STK32B: variants seen among roughly 807,000 people sequenced by gnomAD.
STK32B encodes serine/threonine kinase 32B, also known as serine/threonine-protein kinase 32B.
In STK32B, 43 loss-of-function variants were observed where a neutral mutation model predicts 52.6. That is an observed-to-expected ratio of 0.82 (90% CI 0.64 to 1.05). The LOEUF (loss-of-function observed/expected upper bound fraction) is 1.05, where lower values mean the gene tolerates loss of function less well. Ranked by LOEUF, STK32B falls within the 50% of genes least tolerant of loss-of-function variation. The pLI is 0.00. For missense variants in STK32B, 621 were observed against 534.6 expected (o/e 1.16, Z -1.59); for synonymous variants, 238 against 204.3 (o/e 1.17, Z -1.41).
intron 1 of STK32B, among the ~76,000 whole-genome samples, chr4:5,136,241 G>A (rs186122134): frequency 6.6e-6 from 1 of 152,344 alleles, no homozygotes; most frequent in East Asian, 1.9e-4. Flanking sequence ...CCAATGTGTT[G>A]TTCCATTGTC....
In STK32B at chr4:5,316,882, T is replaced by TCA. The variant is rs1730912564; in HGVS notation, c.261-14338_261-14337insCA. Among the ~76,000 whole-genome samples the TCA allele has an allele frequency of 1.8e-3, 9 of 4,964 alleles. No homozygotes were observed. The East Asian group carries it at 0.039, about 22-fold the overall frequency. The allele number at this position is 4,964 out of a possible 152,430, so 3.3% of individuals were successfully genotyped here. On this transcript the variant is annotated intron_variant, in intron 3 of 11. Coordinates refer to ENST00000282908, the MANE Select transcript of STK32B (RefSeq NM_018401.3). ...TATATTATATATTATATATAATATA[T>TCA]TATATATATTATATATAATATATAA...
intron 3 of STK32B, among the ~76,000 whole-genome samples, chr4:5,308,852 C>G (rs1320945221): frequency 1.3e-5 from 2 of 152,016 alleles, no homozygotes; most frequent in Non-Finnish European, 2.9e-5. Context: ...CAAGGATGCC[C>G]ACTTTCACCA....
chr4:5,442,207 T>A (rs1269770814), intron 6 of STK32B, among the ~76,000 whole-genome samples: 3 of 139,462 alleles, frequency 2.2e-5, no homozygotes, highest in Non-Finnish European at 4.6e-5. Flanking sequence ...AGTGGGGTGT[T>A]AAAGTCTCCC....
Position 5,498,962 on chromosome 4 carries a change from G to A in STK32B, c.1124G>A (p.Gly375Glu). The change falls in exon 12 of 12, where the codon GGA becomes GAA. Residue 375 changes from glycine to glutamate, a missense_variant. Gly to Glu is a moderately conservative substitution (Grantham distance 98, BLOSUM62 -2). Coordinates refer to ENST00000282908, the MANE Select transcript of STK32B (RefSeq NM_018401.3). Reference sequence around the variant, plus strand: ...GTTTGCAGGCTCAGGAGGCAGCAGGGACAGGGCAGCCAGCTCTTGGACACC... The same window carrying A: ...GTTTGCAGGCTCAGGAGGCAGCAGGAACAGGGCAGCCAGCTCTTGGACACC... ...FNREKLRRQQ[G>E]QGSQLLDTDS... 2 of 1,613,150 alleles carry A rather than the reference G, an allele frequency of 1.2e-6. No individual in the cohort carries two copies. The highest frequency in any genetic ancestry group is 2.2e-5 in the East Asian group (1 of 44,802).
At chr4:5,087,084 GTT>G (rs1331960413) in intron 1 of STK32B, among the ~76,000 whole-genome samples, 2 of 152,086 alleles carry the variant, frequency 1.3e-5, no homozygotes, top group African/African-American at 4.8e-5. Context: ...TATTCCATGT[GTT>G]TTAAAAATTG....
intron 3 of STK32B, among the ~76,000 whole-genome samples, chr4:5,197,433 C>A (rs550254080): frequency 2.0e-5 from 3 of 152,296 alleles, no homozygotes. Flanking sequence ...CAGTGGGCAC[C>A]TCTTACGACC....
intron 3 of STK32B, among the ~76,000 whole-genome samples, chr4:5,299,968 C>G (rs1729448694): frequency 6.6e-6 from 1 of 152,020 alleles, no homozygotes; most frequent in Admixed American, 6.6e-5. Flanking sequence ...ATACCGAAAT[C>G]CAGCAAAGAT....
intron 3 of STK32B, among the ~76,000 whole-genome samples, chr4:5,262,756 TAGAG>T (rs780474221): frequency 4.6e-5 from 7 of 152,108 alleles, no homozygotes; most frequent in African/African-American, 7.2e-5. Flanking sequence ...ATTAAATACA[TAGAG>T]AGGACTTTGC....
At chr4:5,340,294 G>A (rs1342053558) in intron 4 of STK32B, among the ~76,000 whole-genome samples, 1 of 152,202 alleles carries the variant, frequency 6.6e-6, no homozygotes, top group South Asian at 2.1e-4. Context: ...GGGGTGCCCA[G>A]CCAGCCTGAA....
intron 4 of STK32B, among the ~76,000 whole-genome samples, chr4:5,349,078 T>TA (rs748482722): frequency 0.15 from 22,292 of 152,078 alleles, 2,265 homozygotes; most frequent in African/African-American, 0.28. Context: ...CCATCATTCA[T>TA]GTCATGCCTG....
intron 11 of STK32B, among the ~76,000 whole-genome samples, chr4:5,483,611 A>G (rs1718905370): frequency 6.6e-6 from 1 of 151,600 alleles, no homozygotes. Flanking sequence ...GATCTTAGTT[A>G]TTTCTTGCCT....
chr4:5,466,901 G>T, intron 10 of STK32B, 67 bp downstream of exon 10: 1 of 1,538,916 alleles, frequency 6.5e-7, no homozygotes, highest in Non-Finnish European at 8.7e-7. Context: ...ACTGAGCCAG[G>T]CCACTGTTTA....
At chr4:5,340,726 A>C (rs1356282967) in intron 4 of STK32B, among the ~76,000 whole-genome samples, 1 of 152,230 alleles carries the variant, frequency 6.6e-6, no homozygotes, top group African/African-American at 2.4e-5. Flanking sequence ...GTTTATTAAA[A>C]TGTGTTGACA....
chr4:5,224,875 T>G (rs913909218), intron 3 of STK32B, among the ~76,000 whole-genome samples: 7 of 152,178 alleles, frequency 4.6e-5, no homozygotes, highest in Admixed American at 2.0e-4. Context: ...ATGAGGCTTA[T>G]AAAGCATTTT....
At chr4:5,212,280 A>G (rs750028848) in intron 3 of STK32B, among the ~76,000 whole-genome samples, 10 of 152,204 alleles carry the variant, frequency 6.6e-5, no homozygotes, top group Non-Finnish European at 1.5e-4. Flanking sequence ...GTCTAACATG[A>G]CACAGCTACC....
At chr4:5,473,573 A>G (rs1165890723) in intron 11 of STK32B, among the ~76,000 whole-genome samples, 1 of 152,220 alleles carries the variant, frequency 6.6e-6, no homozygotes, top group African/African-American at 2.4e-5. Context: ...GTGTGGCTCC[A>G]GAGCCCCAGG....
At chr4:5,327,013 C>T (rs1731923074) in intron 3 of STK32B, among the ~76,000 whole-genome samples, 1 of 152,116 alleles carries the variant, frequency 6.6e-6, no homozygotes. Flanking sequence ...GTGTACAGCA[C>T]CTTCATCAGG....
chr4:5,476,820 T>C (rs1247120069), intron 11 of STK32B, among the ~76,000 whole-genome samples: 2 of 150,936 alleles, frequency 1.3e-5, no homozygotes, highest in Non-Finnish European at 2.9e-5. Flanking sequence ...GGGTAGGCAC[T>C]AAATCCAATG....
At chr4:5,432,891 A>T (rs1373239826) in intron 6 of STK32B, among the ~76,000 whole-genome samples, 2 of 152,178 alleles carry the variant, frequency 1.3e-5, no homozygotes, top group African/African-American at 4.8e-5. Context: ...TTTGTAGCAG[A>T]CATTGTTATT....
Sources: gnomAD v4.1 joint callset for allele counts (sites outside exome capture counted in the v4.1 genomes callset) on GRCh38, gnomAD v4.1.1 for gene constraint, MANE v1.5 for transcripts, NCBI Gene and HGNC (gene_info 2026-07-23, HGNC 2026-07-21) for gene names.